The following RAB22A variants were observed in gnomAD, a reference collection of about 807,000 sequenced individuals.
RAB22A encodes the protein ras-related protein Rab-22A.
A neutral mutation model predicts 30.2 loss-of-function variants in RAB22A; 13 were observed. The observed-to-expected ratio is 0.43, with a 90% CI of 0.28 to 0.68. The LOEUF (loss-of-function observed/expected upper bound fraction) is 0.68, where lower values mean the gene tolerates loss of function less well. Among genes scored for constraint, RAB22A ranks in the 30% least tolerant of loss-of-function variants. The pLI, the probability that RAB22A is intolerant of heterozygous loss-of-function variation, is 0.18. For synonymous variants in RAB22A, 89 were observed against 87.2 expected (o/e 1.02, Z -0.11); for missense variants, 177 against 246.8 (o/e 0.72, Z 1.89).
At chr20:58,351,546 G>C (rs1004348036) in intron 3 of RAB22A, among the ~76,000 whole-genome samples, 5 of 152,244 alleles carry the variant, frequency 3.3e-5, no homozygotes, top group Non-Finnish European at 7.3e-5. Context: ...GGGCATGGTG[G>C]CTCACGCCTG....
intron 2 of RAB22A, among the ~76,000 whole-genome samples, chr20:58,333,265 T>C (rs950488440): frequency 1.0e-5 from 1 of 98,226 alleles, no homozygotes; most frequent in African/African-American, 4.4e-5. Context: ...GGCGACAGAG[T>C]GAGACTCCAT....
At chr20:58,341,705 A>G (rs1344362457) in intron 2 of RAB22A, among the ~76,000 whole-genome samples, 1 of 152,222 alleles carries the variant, frequency 6.6e-6, no homozygotes, top group Non-Finnish European at 1.5e-5. Context: ...ATCTGACTCA[A>G]TAATAAGTCA....
Position 58,310,024 on chromosome 20 carries a change from C to A in RAB22A, c.36+12C>A. ...TGTGTCTGCTCGGGGTGAGTGGCGGCGGGTCCGGCCGGGAGGGCCACGGGA... is the reference window on the plus strand; with the variant it reads ...TGTGTCTGCTCGGGGTGAGTGGCGGAGGGTCCGGCCGGGAGGGCCACGGGA... On this transcript the variant is annotated intron_variant, in intron 1 of 6. Coordinates refer to ENST00000244040, the MANE Select transcript of RAB22A (RefSeq NM_020673.3). 3 of 1,268,416 alleles carry A rather than the reference C, an allele frequency of 2.4e-6. No homozygotes were observed. Among genetic ancestry groups the A allele is most frequent in the South Asian group, 3.5e-5 (1 of 28,910 alleles). 78.6% of individuals were successfully genotyped at this position (1,268,416 alleles called of 1,614,324 possible).
chr20:58,334,148 T>G (rs1478891778), intron 2 of RAB22A, among the ~76,000 whole-genome samples: 1 of 151,986 alleles, frequency 6.6e-6, no homozygotes, highest in Non-Finnish European at 1.5e-5. Flanking sequence ...CTGGCCAACA[T>G]GGTGAAACCG....
intron 6 of RAB22A, among the ~76,000 whole-genome samples, chr20:58,358,231 C>T (rs1314607607): frequency 6.6e-6 from 1 of 152,148 alleles, no homozygotes; most frequent in African/African-American, 2.4e-5. Flanking sequence ...TTATGCTTCA[C>T]GGAGCAGTGA....
chr20:58,355,969 T>TAAAA (rs1987123467), intron 6 of RAB22A, among the ~76,000 whole-genome samples: 1 of 152,180 alleles, frequency 6.6e-6, no homozygotes, highest in African/African-American at 2.4e-5. Flanking sequence ...CATGAGTATG[T>TAAAA]TAAAATTACT....
intron 3 of RAB22A, among the ~76,000 whole-genome samples, chr20:58,352,210 A>G (rs1987062731): frequency 6.6e-6 from 1 of 152,194 alleles, no homozygotes; most frequent in Admixed American, 6.5e-5. Flanking sequence ...CGTAAAACTC[A>G]AATTAATACG....
chr20:58,356,052 T>C (rs1460191466), intron 6 of RAB22A, among the ~76,000 whole-genome samples: 1 of 152,210 alleles, frequency 6.6e-6, no homozygotes, highest in East Asian at 1.9e-4. Flanking sequence ...GGCTCACACC[T>C]ATAATCCCAG....
intron 3 of RAB22A, among the ~76,000 whole-genome samples, chr20:58,351,993 AAAT>A (rs1421156821): frequency 6.6e-6 from 1 of 152,232 alleles, no homozygotes; most frequent in African/African-American, 2.4e-5. Flanking sequence ...TGTAGTATTC[AAAT>A]AATAAACAAA....
intron 2 of RAB22A, among the ~76,000 whole-genome samples, chr20:58,338,216 G>A (rs978250100): frequency 6.6e-6 from 1 of 151,936 alleles, no homozygotes; most frequent in Non-Finnish European, 1.5e-5. Flanking sequence ...TAGTAGAGAC[G>A]AGGTTTCACC....
intron 6 of RAB22A, among the ~76,000 whole-genome samples, chr20:58,357,937 C>A (rs919685107): frequency 2.0e-5 from 3 of 152,174 alleles, no homozygotes; most frequent in African/African-American, 7.2e-5. Flanking sequence ...CAAAATACTT[C>A]TGTGTCAGGT....
intron 2 of RAB22A, among the ~76,000 whole-genome samples, chr20:58,333,307 A>AAATAAATC (rs1193519347): frequency 1.3e-5 from 2 of 151,538 alleles, no homozygotes; most frequent in Admixed American, 6.6e-5. Context: ...ATAAATAAAT[A>AAATAAATC]AATCCCGCCA....
At chr20:58,311,665 AT>A (rs1986228209) in intron 2 of RAB22A, among the ~76,000 whole-genome samples, 3 of 152,196 alleles carry the variant, frequency 2.0e-5, no homozygotes, top group Admixed American at 2.0e-4. Context: ...AAAACTTTTC[AT>A]TTTGCAATAC....
chr20:58,333,457 A>G (rs935383610), intron 2 of RAB22A, among the ~76,000 whole-genome samples: 3 of 152,206 alleles, frequency 2.0e-5, no homozygotes, highest in African/African-American at 7.2e-5. Flanking sequence ...GCCCATATCA[A>G]GAAATATTAA....
At chr20:58,312,515 G>GTCTCGC (rs1319923862) in intron 2 of RAB22A, among the ~76,000 whole-genome samples, 2 of 95,852 alleles carry the variant, frequency 2.1e-5, no homozygotes, top group Non-Finnish European at 3.7e-5. Flanking sequence ...TTGAGGTGGA[G>GTCTCGC]TCTCGCTCTG....
intron 2 of RAB22A, among the ~76,000 whole-genome samples, chr20:58,322,222 A>T (rs1250438809): frequency 6.6e-6 from 1 of 152,124 alleles, no homozygotes; most frequent in Non-Finnish European, 1.5e-5. Context: ...TTGGCATTCT[A>T]TTTGATTATC....
Position 58,364,728 on chromosome 20 carries a change from TTTTC to T in RAB22A, c.*5029_*5032del, listed in dbSNP as rs1211264885. 1 of 150,426 alleles carries T rather than the reference TTTTC, an allele frequency of 6.6e-6. No individual in the cohort carries two copies. Among genetic ancestry groups the T allele is most frequent in the Non-Finnish European group, 1.5e-5 (1 of 67,900 alleles). The allele number at this position is 150,426 out of a possible 1,614,324, so 9.3% of individuals were successfully genotyped here. The stretch of plus-strand genomic sequence containing the variant: ...AAAGCCGTAAGATAGTAATGATTTT[TTTTC>T]TTTTTTTTTTTTTTTCTTTTTTTAG... On this transcript the variant is annotated 3_prime_UTR_variant, in exon 7 of 7. Coordinates refer to ENST00000244040, the MANE Select transcript of RAB22A (RefSeq NM_020673.3).
chr20:58,334,475 T>A (rs1052097757), intron 2 of RAB22A, among the ~76,000 whole-genome samples: 1 of 152,080 alleles, frequency 6.6e-6, no homozygotes, highest in Non-Finnish European at 1.5e-5. Context: ...AATAATTATA[T>A]TGACTGTAAG....
At chr20:58,339,330 A>G (rs188636308) in intron 2 of RAB22A, among the ~76,000 whole-genome samples, 1 of 152,376 alleles carries the variant, frequency 6.6e-6, no homozygotes, top group African/African-American at 2.4e-5. Context: ...TAAGGTTATC[A>G]GACAAGTAAA....
Sources: gnomAD v4.1 joint callset for allele counts (sites outside exome capture counted in the v4.1 genomes callset) on GRCh38, gnomAD v4.1.1 for gene constraint, MANE v1.5 for transcripts, NCBI Gene and HGNC (gene_info 2026-07-23, HGNC 2026-07-21) for gene names.